RSU1: variants seen among roughly 807,000 people sequenced by gnomAD.
RSU1 encodes the protein rsu-1.
RSU1 carries 26 observed loss-of-function variants against 31.1 expected under a neutral mutation model. The ratio of observed to expected loss-of-function variants is 0.84; its 90% confidence interval spans 0.61 to 1.16. The LOEUF (loss-of-function observed/expected upper bound fraction) is 1.16, where lower values mean the gene tolerates loss of function less well. RSU1 is among the 50% of genes most tolerant of loss of function. RSU1 has a pLI of 0.00. For synonymous variants in RSU1, 164 were observed against 136.3 expected, an observed-to-expected ratio of 1.20 and a Z score of -1.41; for missense variants, 320 against 339.1, an observed-to-expected ratio of 0.94 and a Z score of 0.44.
At chr10:16,729,093 C>T (rs1331972463) in intron 7 of RSU1, among the ~76,000 whole-genome samples, 1 of 152,232 alleles carries the variant, frequency 6.6e-6, no homozygotes, top group Non-Finnish European at 1.5e-5. Context: ...TTAGCACTTT[C>T]AGCTACTCTG....
intron 7 of RSU1, among the ~76,000 whole-genome samples, chr10:16,746,327 G>C (rs1778499372): frequency 1.3e-5 from 2 of 152,166 alleles, no homozygotes; most frequent in African/African-American, 4.8e-5. Context: ...GCTGGGATTG[G>C]TGCAAATTAA....
intron 7 of RSU1, among the ~76,000 whole-genome samples, chr10:16,742,876 C>A (rs1393051847): frequency 6.6e-6 from 1 of 152,178 alleles, no homozygotes; most frequent in Admixed American, 6.5e-5. Flanking sequence ...GGCAGAAATA[C>A]AATTCACTTA....
intron 4 of RSU1, among the ~76,000 whole-genome samples, chr10:16,756,193 A>G (rs1837081553): frequency 6.6e-6 from 1 of 152,090 alleles, no homozygotes; most frequent in South Asian, 2.1e-4. Context: ...GGGAGGGGGA[A>G]TGGAGAGGTG....
chr10:16,708,024 A>C (rs1835940616), intron 7 of RSU1, among the ~76,000 whole-genome samples: 1 of 152,124 alleles, frequency 6.6e-6, no homozygotes, highest in Admixed American at 6.6e-5. Context: ...TTAGTTGGCT[A>C]TAGGTATGTA....
At chr10:16,789,264 A>G (rs10904812) in intron 2 of RSU1, among the ~76,000 whole-genome samples, 15,627 of 152,242 alleles carry the variant, frequency 0.1, 2,051 homozygotes, top group African/African-American at 0.31. Flanking sequence ...TCAGCCGATC[A>G]CACCACTAGA....
intron 8 of RSU1, among the ~76,000 whole-genome samples, chr10:16,660,342 G>A (rs1458450766): frequency 6.6e-6 from 1 of 152,140 alleles, no homozygotes; most frequent in Non-Finnish European, 1.5e-5. Flanking sequence ...GCTACCTGTT[G>A]TGCGGTGAGA....
At chr10:16,644,221 T>A (rs375623423) in intron 8 of RSU1, among the ~76,000 whole-genome samples, 1 of 152,186 alleles carries the variant, frequency 6.6e-6, no homozygotes, top group African/African-American at 2.4e-5. Flanking sequence ...GCAATTCCTA[T>A]CTACAACTCA....
In RSU1 at chr10:16,716,920, C is replaced by T. The variant is rs576727904; in HGVS notation, c.599-21765G>A. The stretch of plus-strand genomic sequence containing the variant: ...TTAATATTCATCTTAAGAACCTTCC[C>T]TTTTTAATGTCTAACCTCAAACCCT... On this transcript the variant is annotated intron_variant, in intron 7 of 8. Transcript: ENST00000345264. Among the ~76,000 whole-genome samples the T allele has an allele frequency of 2.0e-5, 3 of 152,198 alleles. No individual in the cohort carries two copies. In the South Asian group the frequency reaches 6.2e-4, roughly 32 times the overall value.
chr10:16,620,793 T>G (rs7910394), intron 8 of RSU1, among the ~76,000 whole-genome samples: 1 of 150,968 alleles, frequency 6.6e-6, no homozygotes, highest in South Asian at 2.1e-4. Flanking sequence ...TGCAGTCAGC[T>G]GAGATCGCGC....
At chr10:16,618,729 C>G (rs543507459) in intron 8 of RSU1, among the ~76,000 whole-genome samples, 1 of 152,260 alleles carries the variant, frequency 6.6e-6, no homozygotes, top group South Asian at 2.1e-4. Context: ...AACACAGAAA[C>G]AGAAAACCAG....
At chr10:16,610,747 G>A (rs1437197583) in intron 8 of RSU1, among the ~76,000 whole-genome samples, 2 of 152,136 alleles carry the variant, frequency 1.3e-5, no homozygotes, top group Non-Finnish European at 2.9e-5. Context: ...AATGTAAAGT[G>A]CTTGACACAT....
rs184471623 is a variant in RSU1 at position 16,651,937 on chromosome 10, T to C, written c.731+43086A>G. Among the ~76,000 whole-genome samples, 1,041 of 152,324 alleles carry C rather than the reference T, an allele frequency of 6.8e-3. 51 individuals carry two copies. The highest frequency in any genetic ancestry group is 0.06 in the Admixed American group (913 of 15,286). Reference sequence around the variant, plus strand: ...TTTATTTCTACTTCAAAGAAATGGCTGGTTTGGTATTGAGTTAAATTTCCT... The same window carrying C: ...TTTATTTCTACTTCAAAGAAATGGCCGGTTTGGTATTGAGTTAAATTTCCT... On this transcript the variant is annotated intron_variant, in intron 8 of 8. Transcript: ENST00000345264.
intron 2 of RSU1, among the ~76,000 whole-genome samples, chr10:16,806,819 T>C (rs1838279388): frequency 6.6e-6 from 1 of 152,168 alleles, no homozygotes; most frequent in Admixed American, 6.5e-5. Context: ...AATGGCGTGA[T>C]CTTAGCCCAC....
rs138732036 is a variant in RSU1, at chr10:16,801,206, C to T, written c.109+15767G>A. 7.0e-3 allele frequency among the ~76,000 whole-genome samples: 1,065 copies of T among 151,404 alleles called. 11 individuals are homozygous for T. The highest frequency in any genetic ancestry group is 0.024 in the African/African-American group (1,012 of 41,314). On this transcript the variant is annotated intron_variant, in intron 2 of 8. Coordinates refer to ENST00000345264, the MANE Select transcript of RSU1 (RefSeq NM_012425.4). ...TAACGGGATGGAGAAAGAGATATGA[C>T]GCTAAACGCTAAACAAAAAAAGCTG...
chr10:16,732,342 T>C (rs531718309), intron 7 of RSU1, among the ~76,000 whole-genome samples: 1 of 152,224 alleles, frequency 6.6e-6, no homozygotes, highest in East Asian at 1.9e-4. Flanking sequence ...AAGCCCTAAG[T>C]GCTAATGTGA....
intron 8 of RSU1, among the ~76,000 whole-genome samples, chr10:16,635,025 A>G (rs1048730654): frequency 1.3e-5 from 2 of 152,238 alleles, no homozygotes; most frequent in Non-Finnish European, 2.9e-5. Context: ...TACCTATTCT[A>G]TGACCCAGCC....
intron 8 of RSU1, among the ~76,000 whole-genome samples, chr10:16,657,894 G>A (rs1834817495): frequency 6.6e-6 from 1 of 152,128 alleles, no homozygotes; most frequent in African/African-American, 2.4e-5. Flanking sequence ...GGAGGCTGAG[G>A]CACAAGAATT....
intron 7 of RSU1, among the ~76,000 whole-genome samples, chr10:16,731,741 T>C (rs1447849585): frequency 6.6e-6 from 1 of 152,228 alleles, no homozygotes; most frequent in African/African-American, 2.4e-5. Flanking sequence ...CATTGACTGC[T>C]ACTAAGGCTG....
intron 2 of RSU1, among the ~76,000 whole-genome samples, chr10:16,788,301 G>T (rs1468547879): frequency 3.3e-5 from 5 of 152,136 alleles, no homozygotes; most frequent in African/African-American, 1.2e-4. Flanking sequence ...CCTTGCTAGG[G>T]ACTACACATT....
Sources: gnomAD v4.1 joint callset for allele counts (sites outside exome capture counted in the v4.1 genomes callset) on GRCh38, gnomAD v4.1.1 for gene constraint, MANE v1.5 for transcripts, NCBI Gene and HGNC (gene_info 2026-07-23, HGNC 2026-07-21) for gene names.